The following ARL15 variants were observed in gnomAD, a reference collection of about 807,000 sequenced individuals.
ARL15 encodes ADP-ribosylation factor-like protein 15.
In ARL15, 19 loss-of-function variants were observed where a neutral mutation model predicts 25.2. That is an observed-to-expected ratio of 0.75 (90% CI 0.53 to 1.10). ARL15 has a LOEUF of 1.10. Ranked by LOEUF, ARL15 falls within the 50% of genes least tolerant of loss-of-function variation. ARL15 has a pLI of 0.00. For synonymous variants in ARL15, 94 were observed against 86.8 expected (o/e 1.08, Z -0.46); for missense variants, 220 against 246.0 (o/e 0.89, Z 0.71).
At chr5:53,907,488 A>ATATATATATTTTTG (rs1360900279) in intron 4 of ARL15, among the ~76,000 whole-genome samples, 1 of 18,016 alleles carries the variant, frequency 5.6e-5, no homozygotes, top group African/African-American at 2.9e-4. Flanking sequence ...ATATATATAT[A>ATATATATATTTTTG]TTTTTTTTTT....
intron 4 of ARL15, among the ~76,000 whole-genome samples, chr5:53,905,076 C>T (rs1745206385): frequency 6.6e-6 from 1 of 152,108 alleles, no homozygotes; most frequent in African/African-American, 2.4e-5. Context: ...TCAGACCAGG[C>T]CAGATGAGTG....
chr5:54,067,613 A>G (rs1751281818), intron 4 of ARL15, among the ~76,000 whole-genome samples: 1 of 152,204 alleles, frequency 6.6e-6, no homozygotes, highest in Non-Finnish European at 1.5e-5. Context: ...GTGCTACATC[A>G]TTTGACCAGA....
At chr5:54,307,436 C>T (rs1758783618) in intron 1 of ARL15, among the ~76,000 whole-genome samples, 2 of 152,150 alleles carry the variant, frequency 1.3e-5, no homozygotes, top group Admixed American at 1.3e-4. Flanking sequence ...AGGCACCGCA[C>T]CAGGTGATAC....
chr5:53,913,655 G>A lies in ARL15; in HGVS notation c.463-26942C>T, dbSNP rs572167534. Among the ~76,000 whole-genome samples the A allele has an allele frequency of 9.2e-5, 14 of 152,272 alleles. No individual in the cohort carries two copies. In the East Asian group the frequency reaches 2.5e-3, roughly 27 times the overall value. On this transcript the variant is annotated intron_variant, in intron 4 of 4. Coordinates refer to ENST00000504924, the MANE Select transcript of ARL15 (RefSeq NM_019087.3). ...ATACCTATATCACAAGGTTCATTGT[G>A]AGGCTCAATTGAATTAGAATATTAA...
chr5:53,977,252 A>G (rs1747963344), intron 4 of ARL15, among the ~76,000 whole-genome samples: 1 of 148,938 alleles, frequency 6.7e-6, no homozygotes, highest in Admixed American at 6.8e-5. Context: ...AGCTACTCGG[A>G]GGCTGAGGCA....
chr5:53,887,736 C>A (rs1325092925), intron 4 of ARL15, among the ~76,000 whole-genome samples: 1 of 152,138 alleles, frequency 6.6e-6, no homozygotes, highest in African/African-American at 2.4e-5. Flanking sequence ...TCTTGGTTAA[C>A]AAATTTCGTT....
At chr5:54,047,910 A>C (rs535440576) in intron 4 of ARL15, 3 of 152,150 alleles carry the variant, frequency 2.0e-5, no homozygotes, top group African/African-American at 7.2e-5. Flanking sequence ...TTTACCCTAT[A>C]TCTTTCTCTA....
At chr5:54,177,195 C>T (rs1754902351) in intron 1 of ARL15, among the ~76,000 whole-genome samples, 2 of 152,142 alleles carry the variant, frequency 1.3e-5, no homozygotes, top group African/African-American at 4.8e-5. Context: ...TGTCAGGACA[C>T]AGGATGTTTC....
chr5:54,006,844 A>C (rs1749061796), intron 4 of ARL15, among the ~76,000 whole-genome samples: 1 of 152,108 alleles, frequency 6.6e-6, no homozygotes, highest in South Asian at 2.1e-4. Flanking sequence ...CAATGTCAGC[A>C]CTTTGGGAGG....
intron 4 of ARL15, among the ~76,000 whole-genome samples, chr5:54,051,321 A>AG (rs1320331037): frequency 1.3e-5 from 2 of 152,220 alleles, no homozygotes; most frequent in African/African-American, 4.8e-5. Context: ...AAGACTAATA[A>AG]GTACCAAGGC....
chr5:54,200,301 TAAAA>T (rs1027815680), intron 1 of ARL15, among the ~76,000 whole-genome samples: 20 of 131,250 alleles, frequency 1.5e-4, no homozygotes, highest in Admixed American at 9.0e-4. Context: ...TAATAATAAT[TAAAA>T]AAAGAGAAAA....
chr5:54,299,779 G>A (rs1468297289), intron 1 of ARL15, among the ~76,000 whole-genome samples: 1 of 151,710 alleles, frequency 6.6e-6, no homozygotes, highest in Admixed American at 6.6e-5. Flanking sequence ...TAGTAGAGAT[G>A]GGGTTTCATC....
intron 4 of ARL15, among the ~76,000 whole-genome samples, chr5:54,026,657 C>G (rs1387880605): frequency 4.6e-5 from 7 of 152,162 alleles, no homozygotes. Context: ...AATTCCTAAT[C>G]TAGTTACAGA....
At chr5:53,992,149 C>G (rs117612936) in intron 4 of ARL15, among the ~76,000 whole-genome samples, 2 of 152,140 alleles carry the variant, frequency 1.3e-5, no homozygotes, top group East Asian at 3.9e-4. Context: ...GTAGCGCCAT[C>G]TAATGTTGAA....
chr5:54,248,577 T>A (rs145728499), intron 1 of ARL15, among the ~76,000 whole-genome samples: 1 of 152,358 alleles, frequency 6.6e-6, no homozygotes, highest in East Asian at 1.9e-4. Context: ...GCCTTATTAA[T>A]CACCAGAGCC....
Position 54,055,204 on chromosome 5 carries a change from G to T in ARL15, c.462+57998C>A, listed in dbSNP as rs572538206. 5.9e-5 allele frequency among the ~76,000 whole-genome samples: 9 copies of T among 152,156 alleles called. No homozygotes were observed. In the East Asian group the frequency reaches 1.7e-3, roughly 29 times the overall value. Reference sequence around the variant, plus strand: ...CTAGGCAACCACCAATTTACTTTTTGTGTCTATGGATTTTCCTTTTCTGCA... The same window carrying T: ...CTAGGCAACCACCAATTTACTTTTTTTGTCTATGGATTTTCCTTTTCTGCA... On this transcript the variant is annotated intron_variant, in intron 4 of 4. Coordinates refer to ENST00000504924, the MANE Select transcript of ARL15 (RefSeq NM_019087.3).
chr5:54,049,365 C>A (rs116021492), intron 4 of ARL15, among the ~76,000 whole-genome samples: 2 of 151,420 alleles, frequency 1.3e-5, no homozygotes, highest in African/African-American at 4.9e-5. Context: ...CCCAGTAAGT[C>A]CCTCAGCTGG....
chr5:54,047,226 A>G (rs1750549650), intron 4 of ARL15, among the ~76,000 whole-genome samples: 6 of 152,312 alleles, frequency 3.9e-5, no homozygotes, highest in Admixed American at 2.6e-4. Context: ...GAGGGACTGC[A>G]TTAAACAAAA....
intron 4 of ARL15, among the ~76,000 whole-genome samples, chr5:53,999,149 G>A (rs1258913833): frequency 6.6e-6 from 1 of 152,108 alleles, no homozygotes; most frequent in Non-Finnish European, 1.5e-5. Flanking sequence ...ACCAACATTC[G>A]GTAAGTGTCT....
Sources: gnomAD v4.1 joint callset for allele counts (sites outside exome capture counted in the v4.1 genomes callset) on GRCh38, gnomAD v4.1.1 for gene constraint, MANE v1.5 for transcripts, NCBI Gene and HGNC (gene_info 2026-07-23, HGNC 2026-07-21) for gene names.